Variants in PTER observed in about 807,000 individuals in gnomAD.
PTER encodes the protein phosphotriesterase related, also known as N-acetyltaurine hydrolase.
In PTER, 38 loss-of-function variants were observed where a neutral mutation model predicts 29.6. The observed-to-expected ratio is 1.28, with a 90% CI of 0.99 to 1.68. The LOEUF (loss-of-function observed/expected upper bound fraction) is 1.68. PTER is among the 40% of genes most tolerant of loss of function. The pLI, the probability that PTER is intolerant of heterozygous loss-of-function variation, is 0.00. For synonymous variants in PTER, 172 were observed against 154.5 expected, an observed-to-expected ratio of 1.11 and a Z score of -0.84; for missense variants, 482 against 427.8, an observed-to-expected ratio of 1.13 and a Z score of -1.12.
intron 1 of PTER, among the ~76,000 whole-genome samples, chr10:16,467,704 C>T (rs1289877237): frequency 1.3e-5 from 2 of 151,924 alleles, no homozygotes; most frequent in Non-Finnish European, 2.9e-5. Flanking sequence ...CCTAGCTACT[C>T]GGGAGGCTGA....
intron 3 of PTER, among the ~76,000 whole-genome samples, chr10:16,497,577 T>A (rs2133481991): frequency 6.6e-6 from 1 of 152,296 alleles, no homozygotes; most frequent in Admixed American, 6.5e-5. Flanking sequence ...AATGAAATAA[T>A]ATACCTGAGA....
At chr10:16,462,458 G>A (rs1029322308) in intron 1 of PTER, among the ~76,000 whole-genome samples, 2 of 151,810 alleles carry the variant, frequency 1.3e-5, no homozygotes, top group African/African-American at 2.4e-5. Context: ...TTTAGGGTTT[G>A]TTTATAGCAG....
At chr10:16,449,387 T>C (rs1299677482) in intron 1 of PTER, among the ~76,000 whole-genome samples, 1 of 151,982 alleles carries the variant, frequency 6.6e-6, no homozygotes, top group African/African-American at 2.4e-5. Flanking sequence ...TAAAAGATGT[T>C]CTTCCAGCTA....
At chr10:16,446,716 T>G (rs1421905732) in intron 1 of PTER, among the ~76,000 whole-genome samples, 2 of 152,224 alleles carry the variant, frequency 1.3e-5, no homozygotes, top group African/African-American at 2.4e-5. Flanking sequence ...GCTTAATTTC[T>G]TAATTCTTTC....
intron 1 of PTER, among the ~76,000 whole-genome samples, chr10:16,483,441 T>C (rs1028456552): frequency 6.6e-6 from 1 of 152,218 alleles, no homozygotes; most frequent in African/African-American, 2.4e-5. Flanking sequence ...GCATATTCTA[T>C]GAAGTCGTGT....
chr10:16,450,025 C>T (rs1326056114), intron 1 of PTER, among the ~76,000 whole-genome samples: 1 of 152,216 alleles, frequency 6.6e-6, no homozygotes, highest in Non-Finnish European at 1.5e-5. Context: ...TCAGTAAGTT[C>T]AGGCTGATCC....
At chr10:16,496,967 C>A (rs560015460) in intron 3 of PTER, among the ~76,000 whole-genome samples, 62 of 146,864 alleles carry the variant, frequency 4.2e-4, no homozygotes, top group African/African-American at 1.6e-3. Flanking sequence ...TGAAATCTCA[C>A]ACTGTCACCC....
downstream of PTER, among the ~76,000 whole-genome samples, chr10:16,515,826 A>T (rs575368285): frequency 1.3e-3 from 191 of 152,250 alleles, no homozygotes; most frequent in African/African-American, 4.4e-3. Context: ...CTATAATGAT[A>T]TTTCCCTGAA....
rs1836869489 is a variant in PTER, at chr10:16,512,979, C to T, written c.*1723C>T. On this transcript the variant is annotated 3_prime_UTR_variant, in exon 5 of 5. Coordinates refer to ENST00000535784, the MANE Select transcript of PTER (RefSeq NM_001261836.2). ...TGTATTACTCTCCAAATCTACTGTACTGTCAGCTTCACTCCACCTGAGAAA... is the reference window on the plus strand; with the variant it reads ...TGTATTACTCTCCAAATCTACTGTATTGTCAGCTTCACTCCACCTGAGAAA... The T allele has an allele frequency of 6.6e-6, 1 of 152,380 alleles. No homozygotes were observed. The highest frequency in any genetic ancestry group is 1.5e-5 in the Non-Finnish European group (1 of 67,928). 9.4% of individuals were successfully genotyped at this position (152,380 alleles called of 1,614,324 possible). A position where few individuals can be genotyped will look rare whatever the true frequency, so the allele number is the denominator to read the frequency against.
At chr10:16,483,859 A>C (rs990055772) in intron 1 of PTER, among the ~76,000 whole-genome samples, 1 of 152,096 alleles carries the variant, frequency 6.6e-6, no homozygotes, top group South Asian at 2.1e-4. Context: ...CTCAAAAAGA[A>C]AAAAAAGGAG....
chr10:16,494,530 A>G (rs1242789297), intron 3 of PTER, among the ~76,000 whole-genome samples: 2 of 152,206 alleles, frequency 1.3e-5, no homozygotes, highest in Non-Finnish European at 2.9e-5. Context: ...AATATTGTTC[A>G]ATGAAAGTCA....
At position 16,504,912 on chromosome 10, in the gene PTER, CTTCAACTATG is replaced by C; in HGVS notation, c.699-104_699-95del. 8.5e-6 allele frequency: 11 copies of C among 1,294,900 alleles called. No individual in the cohort carries two copies. The South Asian group carries it at 1.7e-4, about 20-fold the overall frequency. The allele number at this position is 1,294,900 out of a possible 1,614,324, so 80.2% of individuals were successfully genotyped here. On this transcript the variant is annotated intron_variant, in intron 3 of 4. Transcript: ENST00000535784. The stretch of plus-strand genomic sequence containing the variant: ...CATTTCAGAAGTGTCTGTTACTCGA[CTTCAACTATG>C]TTCTTGTTCTTGTACATTGTGTGCT...
Position 16,511,502 on chromosome 10 carries a change from T to C in PTER, c.*246T>C, listed in dbSNP as rs1836810614. 1 of 489,592 alleles carries C rather than the reference T, an allele frequency of 2.0e-6. No homozygotes were observed. Among genetic ancestry groups the C allele is most frequent in the African/African-American group, 1.9e-5 (1 of 52,430 alleles). The allele number at this position is 489,592 out of a possible 1,614,324, so 30.3% of individuals were successfully genotyped here. A position where few individuals can be genotyped will look rare whatever the true frequency, so the allele number is the denominator to read the frequency against. ...AAATAAATACAGAAGTACCTATTTC[T>C]AAACAATGATTTAAAGTCTATATCC... is the stretch of plus-strand genomic sequence containing the variant. On this transcript the variant is annotated 3_prime_UTR_variant, in exon 5 of 5. Transcript: ENST00000535784.
At chr10:16,467,621 G>C (rs1014999813) in intron 1 of PTER, among the ~76,000 whole-genome samples, 4 of 152,086 alleles carry the variant, frequency 2.6e-5, no homozygotes, top group South Asian at 2.1e-4. Flanking sequence ...AGACCAGTCT[G>C]GCCTACATGG....
chr10:16,508,049 CTTTT>C (rs1836647861), intron 4 of PTER, among the ~76,000 whole-genome samples: 1 of 148,648 alleles, frequency 6.7e-6, no homozygotes, highest in South Asian at 2.2e-4. Flanking sequence ...TGTTTTATTT[CTTTT>C]TTCTTTTTTT....
intron 1 of PTER, among the ~76,000 whole-genome samples, chr10:16,450,801 C>G (rs1411089811): frequency 6.6e-6 from 1 of 152,182 alleles, no homozygotes; most frequent in African/African-American, 2.4e-5. Context: ...TTATTGTATT[C>G]CTTGGTTCTC....
intron 3 of PTER, among the ~76,000 whole-genome samples, chr10:16,497,166 C>G (rs1324253577): frequency 1.3e-5 from 2 of 152,098 alleles, no homozygotes; most frequent in Non-Finnish European, 2.9e-5. Flanking sequence ...AACTCCTAAC[C>G]TCAGGTAATC....
At chr10:16,476,633 A>G (rs1835275767) in intron 1 of PTER, among the ~76,000 whole-genome samples, 1 of 151,726 alleles carries the variant, frequency 6.6e-6, no homozygotes, top group South Asian at 2.1e-4. Context: ...TGGTGTGATC[A>G]AGGCTCACTG....
intron 1 of PTER, among the ~76,000 whole-genome samples, chr10:16,463,509 G>A (rs1377047112): frequency 5.3e-5 from 8 of 152,102 alleles, no homozygotes; most frequent in Admixed American, 1.3e-4. Context: ...TCTGCCTTCC[G>A]GGTTCAAGCA....
Sources: gnomAD v4.1 joint callset for allele counts (sites outside exome capture counted in the v4.1 genomes callset) on GRCh38, gnomAD v4.1.1 for gene constraint, MANE v1.5 for transcripts, NCBI Gene and HGNC (gene_info 2026-07-23, HGNC 2026-07-21) for gene names.